The following EXPH5 variants were observed in gnomAD, a reference collection of about 807,000 sequenced individuals.
EXPH5 encodes the protein exophilin-5.
A neutral mutation model predicts 41.1 loss-of-function variants in EXPH5; 42 were observed. The ratio of observed to expected loss-of-function variants is 1.02; its 90% CI spans 0.80 to 1.32. The LOEUF is 1.32. Among genes scored for constraint, EXPH5 ranks in the 40% most tolerant of loss-of-function variants. EXPH5 has a pLI of 0.00. For synonymous variants in EXPH5, 798 were observed against 833.5 expected (o/e 0.96, Z 0.73); for missense variants, 2,298 against 2,314.5 (o/e 0.99, Z 0.15).
At chr11:108,600,802 C>G in the EXPH5 span, among the ~76,000 whole-genome samples, 1 of 152,164 alleles carries the variant, frequency 6.6e-6, no homozygotes, top group Admixed American at 6.5e-5. Context: ...CTTTTTCCAC[C>G]ACACACAATT....
the EXPH5 span, among the ~76,000 whole-genome samples, chr11:108,605,192 C>T: frequency 6.6e-6 from 1 of 152,064 alleles, no homozygotes; most frequent in African/African-American, 2.4e-5. Context: ...AGGTGGAGAC[C>T]CTTTCCCTGC....
Position 108,552,755 on chromosome 11 carries a change from C to T in EXPH5, c.120-10943G>A, listed in dbSNP as rs568756413. ...CTGAGACTCCGTCTCTACAAAAAAC[C>T]CCAAACAAACAAAACTAGCTGGGCT... is the stretch of plus-strand genomic sequence containing the variant. On this transcript the variant is annotated intron_variant, in intron 1 of 5. Transcript: ENST00000265843. Among the ~76,000 whole-genome samples the T allele has an allele frequency of 4.0e-4, 61 of 152,070 alleles. No individual in the cohort carries two copies. In the South Asian group the frequency reaches 0.012, roughly 30 times the overall value.
intron 3 of EXPH5, among the ~76,000 whole-genome samples, chr11:108,529,136 A>T (rs2093819766): frequency 6.8e-6 from 1 of 146,816 alleles, no homozygotes; most frequent in Admixed American, 6.8e-5. Flanking sequence ...AATTTAAAGT[A>T]AAAAAAAAAA....
intron 1 of EXPH5, among the ~76,000 whole-genome samples, chr11:108,576,684 T>A (rs1297228838): frequency 6.6e-6 from 1 of 152,214 alleles, no homozygotes; most frequent in Admixed American, 6.5e-5. Context: ...TGATCAAATA[T>A]GAGTAAGTAA....
At chr11:108,594,194 G>T (rs1222275034), upstream of EXPH5, among the ~76,000 whole-genome samples, 2 of 152,128 alleles carry the variant, frequency 1.3e-5, no homozygotes, top group Non-Finnish European at 2.9e-5. Context: ...GGATGAACCT[G>T]GCTGAAGGGC....
At position 108,510,494 on chromosome 11, in the gene EXPH5, G is replaced by T; in HGVS notation, c.5013C>A (p.Asn1671Lys). ...TGGGTAGTACAGTAATGGGGAGAAG[G>T]TTCTCGGATTTCTTCACATGCTTTC... Reference protein sequence around the residue: ...ENGKHVKKSENLLPITVLPNR... With the variant: ...ENGKHVKKSEKLLPITVLPNR... Residue 1671 changes from asparagine to lysine, a missense_variant, in exon 6 of 6, where the codon AAC (asparagine) becomes AAA (lysine). Transcript: ENST00000265843. 6.2e-7 allele frequency: 1 copy of T among 1,614,162 alleles called. No individual in the cohort carries two copies. Among genetic ancestry groups the T allele is most frequent in the Non-Finnish European group, 8.5e-7 (1 of 1,180,040 alleles).
chr11:108,532,357 T>G (rs2093845605), intron 3 of EXPH5, among the ~76,000 whole-genome samples: 1 of 19,608 alleles, frequency 5.1e-5, no homozygotes, highest in Admixed American at 6.9e-4. Context: ...TATATATATA[T>G]ATATATATAT....
Position 108,512,535 on chromosome 11 carries a change from C to T in EXPH5, c.2972G>A (p.Ser991Asn). Residue 991 changes from serine to asparagine, a missense_variant, in exon 6 of 6, where the codon AGT (serine) becomes AAT (asparagine). Transcript: ENST00000265843. ...SCIEKLSKTE[S>N]ISVPTSDHRS... ...GTGATCACTGGTGGGTACTGATATACTTTCTGTTTTGCTTAACTTTTCAAT... is the reference window on the plus strand; with the variant it reads ...GTGATCACTGGTGGGTACTGATATATTTTCTGTTTTGCTTAACTTTTCAAT... The T allele has an allele frequency of 6.2e-7, 1 of 1,612,510 alleles. No homozygotes were observed. The highest frequency in any genetic ancestry group is 8.5e-7 in the Non-Finnish European group (1 of 1,179,716).
At chr11:108,571,917 G>C (rs549312624) in intron 1 of EXPH5, among the ~76,000 whole-genome samples, 1 of 151,964 alleles carries the variant, frequency 6.6e-6, no homozygotes, top group African/African-American at 2.4e-5. Context: ...GCGTGGTGGC[G>C]GGCGCCTGTA....
chr11:108,541,955 G>T, intron 1 of EXPH5, 143 bp from the exon 2 acceptor site: 1 of 611,898 alleles, frequency 1.6e-6, no homozygotes, highest in Non-Finnish European at 2.7e-6. Flanking sequence ...TCGTCTCACT[G>T]CAACCTTCAC....
the EXPH5 span, among the ~76,000 whole-genome samples, chr11:108,600,152 C>T: frequency 6.6e-6 from 1 of 152,156 alleles, no homozygotes; most frequent in Non-Finnish European, 1.5e-5. Flanking sequence ...GGAGACTGAA[C>T]TCAGCATCTT....
intron 1 of EXPH5, among the ~76,000 whole-genome samples, chr11:108,576,050 T>C (rs1485778685): frequency 1.3e-5 from 2 of 152,346 alleles, no homozygotes; most frequent in South Asian, 2.1e-4. Context: ...AATTACCATA[T>C]GTTCCAGTAA....
the EXPH5 span, among the ~76,000 whole-genome samples, chr11:108,600,417 A>G: frequency 1.3e-5 from 2 of 151,942 alleles, no homozygotes; most frequent in Admixed American, 1.3e-4. Flanking sequence ...TCTCATTTTG[A>G]TTCAAGTACT....
chr11:108,538,967 G>A, intron 3 of EXPH5, 57 bp downstream of exon 3: 1 of 1,392,238 alleles, frequency 7.2e-7, no homozygotes. Context: ...AAAACAGGCT[G>A]CTGGCCTCTG....
rs61913911 is a variant in EXPH5 at position 108,554,025 on chromosome 11, T to C, written c.120-12213A>G. On this transcript the variant is annotated intron_variant, in intron 1 of 5. Transcript: ENST00000265843. Reference sequence around the variant, plus strand: ...GAAATTAAAATACTGAGAGGCTAAATTGAAATCAGACTTCCTGGGATGAAT... The same window carrying C: ...GAAATTAAAATACTGAGAGGCTAAACTGAAATCAGACTTCCTGGGATGAAT... Among the ~76,000 whole-genome samples the C allele has an allele frequency of 3.2e-3, 493 of 152,126 alleles. 1 individual carries two copies. The highest frequency in any genetic ancestry group is 5.3e-3 in the Non-Finnish European group (363 of 67,992).
rs867712942 is a variant in EXPH5 at position 108,514,674 on chromosome 11, C to G, written c.833G>C (p.Gly278Ala). Reference sequence around the variant, plus strand: ...GGTTTTAAAACCTTCCCTAGGAGTTCCTGGTCTTAGGATGTCATAGATAGA... The same window carrying G: ...GGTTTTAAAACCTTCCCTAGGAGTTGCTGGTCTTAGGATGTCATAGATAGA... ...NMSIYDILRPGTPREGFKTFS... is the reference protein window; with the variant it reads ...NMSIYDILRPATPREGFKTFS... Residue 278 changes from glycine (G) to alanine (A), a missense_variant, in exon 6 of 6, where the codon GGA (glycine) becomes GCA (alanine). Coordinates refer to ENST00000265843, the MANE Select transcript of EXPH5 (RefSeq NM_015065.3). 6.2e-7 allele frequency: 1 copy of G among 1,602,718 alleles called. No individual in the cohort carries two copies. The highest frequency in any genetic ancestry group is 1.1e-5 in the South Asian group (1 of 88,540).
chr11:108,536,247 C>A (rs1015359106), intron 3 of EXPH5, among the ~76,000 whole-genome samples: 1 of 150,284 alleles, frequency 6.7e-6, no homozygotes, highest in Non-Finnish European at 1.5e-5. Context: ...AGGAGCAAAT[C>A]ATATTTGAGG....
intron 1 of EXPH5, among the ~76,000 whole-genome samples, chr11:108,570,914 G>T (rs888785241): frequency 6.6e-6 from 1 of 152,206 alleles, no homozygotes; most frequent in Non-Finnish European, 1.5e-5. Context: ...TACAATATTT[G>T]TGAGGTGGGT....
chr11:108,507,856 T>C lies in EXPH5; in HGVS notation c.*1681A>G, dbSNP rs1377552725. ...CCCACCTGAAAAGAAGCGTTCTACC[T>C]TGCAATTAAAGAAAATGTGGGCCAG... is the stretch of plus-strand genomic sequence containing the variant. On this transcript the variant is annotated 3_prime_UTR_variant, in exon 6 of 6. Coordinates refer to ENST00000265843, the MANE Select transcript of EXPH5 (RefSeq NM_015065.3). 6.6e-6 allele frequency: 1 copy of C among 151,872 alleles called. No homozygotes were observed. The highest frequency in any genetic ancestry group is 6.6e-5 in the Admixed American group (1 of 15,232). The allele number at this position is 151,872 out of a possible 1,614,324, so 9.4% of individuals were successfully genotyped here. A position where few individuals can be genotyped will look rare whatever the true frequency, so the allele number is the denominator to read the frequency against.
Sources: gnomAD v4.1 joint callset for allele counts (sites outside exome capture counted in the v4.1 genomes callset) on GRCh38, gnomAD v4.1.1 for gene constraint, MANE v1.5 for transcripts, NCBI Gene and HGNC (gene_info 2026-07-23, HGNC 2026-07-21) for gene names.